Variants in PACS1 observed in about 807,000 individuals in gnomAD.
PACS1 encodes the protein phosphofurin acidic cluster sorting protein 1.
A neutral mutation model predicts 115.0 loss-of-function variants in PACS1; 24 were observed. The observed-to-expected ratio is 0.21, with a 90% CI of 0.15 to 0.29. The LOEUF (loss-of-function observed/expected upper bound fraction) is 0.29. Ranked by LOEUF, PACS1 falls within the 10% of genes least tolerant of loss-of-function variation. The pLI, the probability that PACS1 is intolerant of heterozygous loss-of-function variation, is 1.00. For synonymous variants in PACS1, 453 were observed against 504.5 expected (o/e 0.90, Z 1.37); for missense variants, 838 against 1,251.2 (o/e 0.67, Z 4.98).
chr11:66,149,343 C>T (rs927899644), intron 1 of PACS1, among the ~76,000 whole-genome samples: 3 of 152,036 alleles, frequency 2.0e-5, no homozygotes, highest in Non-Finnish European at 2.9e-5. Flanking sequence ...GCGCCTGCCT[C>T]GGCCTCCCAA....
At chr11:66,114,254 T>C (rs953578901) in intron 1 of PACS1, among the ~76,000 whole-genome samples, 16 of 151,966 alleles carry the variant, frequency 1.1e-4, no homozygotes, top group Non-Finnish European at 2.1e-4. Flanking sequence ...CCGTCTCTAC[T>C]AAAAATACAA....
chr11:66,226,369 C>A (rs1280095700), intron 10 of PACS1, among the ~76,000 whole-genome samples: 2 of 152,162 alleles, frequency 1.3e-5, no homozygotes, highest in East Asian at 3.8e-4. Context: ...GGGTTCTCAA[C>A]TGGGGATGAT....
intron 1 of PACS1, among the ~76,000 whole-genome samples, chr11:66,126,465 G>C (rs1390626731): frequency 6.6e-6 from 1 of 151,992 alleles, no homozygotes; most frequent in Admixed American, 6.6e-5. Context: ...TATTGAACTG[G>C]GAAACAAACA....
intron 1 of PACS1, among the ~76,000 whole-genome samples, chr11:66,112,142 C>G (rs1858205328): frequency 6.6e-6 from 1 of 152,236 alleles, no homozygotes; most frequent in African/African-American, 2.4e-5. Flanking sequence ...GCAGAGTGGT[C>G]TCTTTGAAAT....
chr11:66,210,532 T>G, intron 3 of PACS1, 81 bp downstream of exon 3: 4 of 1,030,822 alleles, frequency 3.9e-6, no homozygotes. Flanking sequence ...AGAGACTGTT[T>G]TATCCCAGAG....
intron 8 of PACS1, chr11:66,220,282 AG>A (rs1855312185): frequency 3.2e-6 from 1 of 308,584 alleles, no homozygotes; most frequent in African/African-American, 2.1e-5. Context: ...GGGCTAACAG[AG>A]GGATAAAGAT....
intron 1 of PACS1, among the ~76,000 whole-genome samples, chr11:66,140,142 G>T (rs1858944378): frequency 1.3e-5 from 2 of 152,194 alleles, no homozygotes; most frequent in Non-Finnish European, 2.9e-5. Context: ...TCTAATGCGG[G>T]TAAGAATGTT....
intron 22 of PACS1, among the ~76,000 whole-genome samples, chr11:66,242,508 G>C (rs1048717533): frequency 1.3e-5 from 2 of 152,208 alleles, no homozygotes; most frequent in African/African-American, 4.8e-5. Context: ...GGAACAGGGA[G>C]CACTCCCCGG....
intron 1 of PACS1, among the ~76,000 whole-genome samples, chr11:66,192,619 G>T (rs1211653434): frequency 6.6e-6 from 1 of 152,230 alleles, no homozygotes; most frequent in African/African-American, 2.4e-5. Flanking sequence ...CTCTGGACTT[G>T]TCATGACTCT....
chr11:66,137,749 C>T (rs556513253), intron 1 of PACS1, among the ~76,000 whole-genome samples: 42 of 152,308 alleles, frequency 2.8e-4, no homozygotes, highest in Non-Finnish European at 5.6e-4. Flanking sequence ...TCACTGTTTC[C>T]TATTTTAGAA....
chr11:66,242,877 G>C (rs1476905619), intron 22 of PACS1, 35 bp from the exon 23 acceptor site: 2 of 1,612,822 alleles, frequency 1.2e-6, no homozygotes, highest in South Asian at 2.2e-5. Context: ...GCTTCCCCAG[G>C]GGCTGGGACA....
chr11:66,166,867 G>C (rs1201582389), intron 1 of PACS1, among the ~76,000 whole-genome samples: 1 of 150,258 alleles, frequency 6.7e-6, no homozygotes. Flanking sequence ...GTATTATTAC[G>C]ATGCTCATTT....
At chr11:66,176,938 A>G (rs1220398901) in intron 1 of PACS1, among the ~76,000 whole-genome samples, 2 of 152,184 alleles carry the variant, frequency 1.3e-5, no homozygotes. Context: ...TAAAGCACTT[A>G]TAAGTTAGGC....
chr11:66,096,539 T>C (rs1424311928), intron 1 of PACS1, among the ~76,000 whole-genome samples: 1 of 151,346 alleles, frequency 6.6e-6, no homozygotes, highest in African/African-American at 2.4e-5. Flanking sequence ...GTTTCACTCT[T>C]GTTGCCCAGG....
chr11:66,212,205 C>T (rs775348885), intron 4 of PACS1, among the ~76,000 whole-genome samples: 13 of 151,114 alleles, frequency 8.6e-5, no homozygotes, highest in Non-Finnish European at 1.5e-4. Flanking sequence ...GATCTTGGCT[C>T]ACTGAAACCC....
chr11:66,241,152 T>G (rs1047827709), intron 21 of PACS1: 2 of 422,322 alleles, frequency 4.7e-6, no homozygotes, highest in African/African-American at 4.0e-5. Flanking sequence ...ACTTTCTTCC[T>G]TCATAAAGCT....
chr11:66,073,550 G>GA (rs34230551), intron 1 of PACS1, among the ~76,000 whole-genome samples: 91 of 151,942 alleles, frequency 6.0e-4, no homozygotes, highest in African/African-American at 2.2e-3. Flanking sequence ...ATTTTCTTTT[G>GA]AAAAAAATAC....
intron 10 of PACS1, among the ~76,000 whole-genome samples, chr11:66,223,070 A>C (rs1590831090): frequency 6.6e-6 from 1 of 151,780 alleles, no homozygotes; most frequent in African/African-American, 2.4e-5. Flanking sequence ...AAAAAAAAAA[A>C]AAAAAAAACT....
At chr11:66,143,591 T>G (rs1175962782) in intron 1 of PACS1, among the ~76,000 whole-genome samples, 1 of 152,224 alleles carries the variant, frequency 6.6e-6, no homozygotes, top group Admixed American at 6.5e-5. Context: ...ATTTTTGCCC[T>G]GATTTAACAT....
Sources: allele counts gnomAD v4.1 joint callset (sites outside exome capture counted in the v4.1 genomes callset), GRCh38; gene constraint gnomAD v4.1.1; transcripts MANE v1.5; gene names NCBI Gene and HGNC (gene_info 2026-07-23, HGNC 2026-07-21).